Variants in TSHZ1 observed in about 807,000 individuals in gnomAD.
The protein encoded by TSHZ1 is teashirt homolog 1.
Under a neutral mutation model 67.1 loss-of-function variants are expected in TSHZ1, and 12 were observed. The observed-to-expected ratio is 0.18, with a 90% CI of 0.11 to 0.29. TSHZ1 has a LOEUF of 0.29. TSHZ1 is among the 10% of genes least tolerant of loss of function. The pLI, the probability that TSHZ1 is intolerant of heterozygous loss-of-function variation, is 1.00. For missense variants in TSHZ1, 1,305 were observed against 1,413.9 expected, an observed-to-expected ratio of 0.92 and a Z score of 1.23; for synonymous variants, 632 against 622.4, an observed-to-expected ratio of 1.02 and a Z score of -0.23.
At chr18:75,283,708 T>TTGTGTG (rs149492827) in intron 1 of TSHZ1, 2 of 151,580 alleles carry the variant, frequency 1.3e-5, no homozygotes, top group African/African-American at 4.8e-5. Flanking sequence ...TCGTCTCTCA[T>TTGTGTG]TGTGTGTGTG....
At chr18:75,218,220 T>TC (rs1311502841) in intron 1 of TSHZ1, among the ~76,000 whole-genome samples, 1 of 152,212 alleles carries the variant, frequency 6.6e-6, no homozygotes, top group Non-Finnish European at 1.5e-5. Flanking sequence ...GGACAAATTC[T>TC]CCTACAGCAG....
chr18:75,242,191 C>T (rs2023164993), intron 1 of TSHZ1, among the ~76,000 whole-genome samples: 1 of 152,048 alleles, frequency 6.6e-6, no homozygotes, highest in Admixed American at 6.6e-5. Flanking sequence ...AAGAAAACAG[C>T]CATTAATTTG....
chr18:75,240,207 T>C (rs12961864), intron 1 of TSHZ1, among the ~76,000 whole-genome samples: 98,080 of 152,080 alleles, frequency 0.64, 31,674 homozygotes, highest in Middle Eastern at 0.72. Context: ...TGCCTAAGTA[T>C]GGATTTAGTT....
chr18:75,225,054 A>T (rs762223544), intron 1 of TSHZ1, among the ~76,000 whole-genome samples: 2 of 151,244 alleles, frequency 1.3e-5, no homozygotes, highest in African/African-American at 4.9e-5. Context: ...ATTTGAGTTT[A>T]TTTCTACTTA....
chr18:75,239,324 C>G (rs2122548218), intron 1 of TSHZ1, among the ~76,000 whole-genome samples: 1 of 152,336 alleles, frequency 6.6e-6, no homozygotes, highest in South Asian at 2.1e-4. Flanking sequence ...ATTAAAATCT[C>G]AGGGGAGCCT....
chr18:75,259,451 C>T (rs540545107), intron 1 of TSHZ1, among the ~76,000 whole-genome samples: 4 of 152,264 alleles, frequency 2.6e-5, no homozygotes, highest in South Asian at 2.1e-4. Context: ...CAGTCCTACA[C>T]GGTCCCTCCT....
Position 75,287,578 on chromosome 18 carries a change from C to G in TSHZ1, c.2171C>G (p.Thr724Ser). ...ACAGAGCCTCTCAAAGCAAAGGTCA[C>G]CAACGGCTGTAACAACCTGGGGATC... ...NGTEPLKAKV[T>S]NGCNNLGIIM... Residue 724 changes from threonine (T) to serine (S), a missense_variant, in exon 2 of 2, where the codon ACC (threonine) becomes AGC (serine). Thr to Ser is a moderately conservative substitution (Grantham distance 58). Transcript: ENST00000580243. The surrounding 1 kb of genome is among the most constrained non-coding windows in gnomAD (Gnocchi z 5.0). The G allele has an allele frequency of 6.2e-7, 1 of 1,614,232 alleles. No homozygotes were observed. The highest frequency in any genetic ancestry group is 8.5e-7 in the Non-Finnish European group (1 of 1,180,052).
intron 1 of TSHZ1, among the ~76,000 whole-genome samples, chr18:75,218,906 A>G (rs992755713): frequency 1.3e-5 from 2 of 150,812 alleles, no homozygotes; most frequent in Non-Finnish European, 3.0e-5. Flanking sequence ...CCTGGTCGAA[A>G]GAATGGTGAA....
intron 1 of TSHZ1, among the ~76,000 whole-genome samples, chr18:75,268,731 T>G (rs902641163): frequency 9.2e-5 from 14 of 152,186 alleles, no homozygotes; most frequent in Non-Finnish European, 1.6e-4. Context: ...GCCCATTCAT[T>G]TCCCTCCTGC....
chr18:75,247,356 G>C (rs2023236879), intron 1 of TSHZ1, among the ~76,000 whole-genome samples: 1 of 152,194 alleles, frequency 6.6e-6, no homozygotes, highest in Non-Finnish European at 1.5e-5. Context: ...CTCTCAGTGA[G>C]TGGAGTCCCT....
intron 1 of TSHZ1, among the ~76,000 whole-genome samples, chr18:75,282,120 G>A (rs535616051): frequency 6.6e-6 from 1 of 152,286 alleles, no homozygotes; most frequent in African/African-American, 2.4e-5. Flanking sequence ...GATCTGTGAG[G>A]TCCAATCTGT....
In TSHZ1 at chr18:75,287,547, A is replaced by G. The variant is rs1454474129; in HGVS notation, c.2140A>G (p.Asn714Asp). Residue 714 changes from asparagine (N) to aspartate (D), a missense_variant, in exon 2 of 2, where the codon AAT becomes GAT. Transcript: ENST00000580243. The surrounding 1 kb of genome is among the most constrained non-coding windows in gnomAD (Gnocchi z 5.0). ...GGGACCGCTGGACGTTCACACCCCA[A>G]ATGGCACAGAGCCTCTCAAAGCAAA... is the stretch of plus-strand genomic sequence containing the variant. ...KEGPLDVHTPNGTEPLKAKVT... is the reference protein window; with the variant it reads ...KEGPLDVHTPDGTEPLKAKVT... 1 of 1,614,104 alleles carries G rather than the reference A, an allele frequency of 6.2e-7. No homozygotes were observed.
intron 1 of TSHZ1, among the ~76,000 whole-genome samples, chr18:75,249,585 A>G (rs2023269231): frequency 6.7e-6 from 1 of 148,912 alleles, no homozygotes; most frequent in Non-Finnish European, 1.5e-5. Flanking sequence ...GGGATGCATG[A>G]CCTCCTCCCT....
intron 1 of TSHZ1, among the ~76,000 whole-genome samples, chr18:75,228,109 G>A (rs1396429813): frequency 6.6e-6 from 1 of 152,238 alleles, no homozygotes; most frequent in African/African-American, 2.4e-5. Context: ...TGAAAACGCG[G>A]ATCCATGAAT....
At chr18:75,250,836 C>T (rs1267261877) in intron 1 of TSHZ1, among the ~76,000 whole-genome samples, 1 of 152,204 alleles carries the variant, frequency 6.6e-6, no homozygotes, top group East Asian at 1.9e-4. Context: ...TCGATTCCTT[C>T]GGTGCCTGTG....
Position 75,225,612 on chromosome 18 carries a change from G to A in TSHZ1, c.40+13696G>A, listed in dbSNP as rs116454222. 8.6e-3 allele frequency among the ~76,000 whole-genome samples: 1,316 copies of A among 152,246 alleles called. 14 individuals are homozygous for A. Among genetic ancestry groups the A allele is most frequent in the African/African-American group, 0.03 (1,247 of 41,534 alleles). ...AATCAACTCGTCATCAAGTAGGGCC[G>A]ACAATGAGACAGCTGACCATCCTCC... On this transcript the variant is annotated intron_variant, in intron 1 of 1. Coordinates refer to ENST00000580243, the MANE Select transcript of TSHZ1 (RefSeq NM_001308210.2).
intron 1 of TSHZ1, among the ~76,000 whole-genome samples, chr18:75,259,340 G>T (rs1374032351): frequency 6.6e-6 from 1 of 152,094 alleles, no homozygotes; most frequent in African/African-American, 2.4e-5. Flanking sequence ...TCACCCACAG[G>T]CAGTCAACCA....
At chr18:75,220,064 G>A (rs1032341582) in intron 1 of TSHZ1, among the ~76,000 whole-genome samples, 7 of 152,202 alleles carry the variant, frequency 4.6e-5, no homozygotes, top group African/African-American at 1.4e-4. Flanking sequence ...ATAAAGAGGA[G>A]TTTTGTTACA....
chr18:75,286,682 C>A lies in TSHZ1; in HGVS notation c.1275C>A (p.His425Gln), dbSNP rs376372721. The A allele has an allele frequency of 6.2e-7, 1 of 1,614,154 alleles. No individual in the cohort carries two copies. ...AGTGCATGGAGTGTGGCAGCTCCCACGACACGCTGCAGCAGCTCACCGCCC... is the reference window on the plus strand; with the variant it reads ...AGTGCATGGAGTGTGGCAGCTCCCAAGACACGCTGCAGCAGCTCACCGCCC... Reference protein sequence around the residue: ...ILKCMECGSSHDTLQQLTAHM... With the variant: ...ILKCMECGSSQDTLQQLTAHM... Residue 425 changes from histidine (H) to glutamine (Q), a missense_variant, in exon 2 of 2, where the codon CAC becomes CAA. His to Gln is a conservative substitution (Grantham distance 24). Transcript: ENST00000580243. This position sits in a 1 kb window ranked among gnomAD's most constrained non-coding sequence, Gnocchi z 5.1.
Sources: gnomAD v4.1 joint callset for allele counts (sites outside exome capture counted in the v4.1 genomes callset) on GRCh38, gnomAD v4.1.1 for gene constraint, Gnocchi (gnomAD v3.1) non-coding constraint, MANE v1.5 for transcripts, NCBI Gene and HGNC (gene_info 2026-07-23, HGNC 2026-07-21) for gene names.